Variants in LSAMP observed in about 807,000 individuals in gnomAD.
LSAMP encodes the protein limbic system-associated membrane protein.
In LSAMP, 7 loss-of-function variants were observed where a neutral mutation model predicts 38.6. That is an observed-to-expected ratio of 0.18 (90% confidence interval 0.10 to 0.34). The LOEUF is 0.34. LSAMP is among the 10% of genes least tolerant of loss of function. The pLI is 1.00. For missense variants in LSAMP, 313 were observed against 420.0 expected, an observed-to-expected ratio of 0.75 and a Z score of 2.23; for synonymous variants, 154 against 166.8, an observed-to-expected ratio of 0.92 and a Z score of 0.59.
At chr3:116,076,744 C>T (rs72959743) in intron 2 of LSAMP, among the ~76,000 whole-genome samples, 4,828 of 152,012 alleles carry the variant, frequency 0.032, 261 homozygotes, top group African/African-American at 0.11. Context: ...ATTTGTGTTG[C>T]CATTCAAGAA....
chr3:116,322,406 C>A (rs534580572), intron 1 of LSAMP, among the ~76,000 whole-genome samples: 1 of 152,248 alleles, frequency 6.6e-6, no homozygotes, highest in South Asian at 2.1e-4. Context: ...CAGGAACATC[C>A]AAACATTTTT....
At chr3:116,249,644 A>C (rs1269615602) in intron 1 of LSAMP, among the ~76,000 whole-genome samples, 2 of 151,962 alleles carry the variant, frequency 1.3e-5, no homozygotes, top group Non-Finnish European at 2.9e-5. Flanking sequence ...TCAGCCTCCC[A>C]AAGTGCTGGG....
At chr3:116,090,967 G>A (rs572256071) in intron 1 of LSAMP, among the ~76,000 whole-genome samples, 18 of 152,304 alleles carry the variant, frequency 1.2e-4, no homozygotes, top group African/African-American at 3.8e-4. Context: ...ACGGGGTTTT[G>A]AGATCAACCG....
chr3:115,882,362 C>A (rs1489083724), intron 3 of LSAMP, among the ~76,000 whole-genome samples: 1 of 152,078 alleles, frequency 6.6e-6, no homozygotes, highest in Non-Finnish European at 1.5e-5. Flanking sequence ...ATAAATAAGA[C>A]AATCTTTCCA....
intron 2 of LSAMP, among the ~76,000 whole-genome samples, chr3:116,038,156 G>C (rs1941088780): frequency 6.6e-6 from 1 of 152,112 alleles, no homozygotes; most frequent in South Asian, 2.1e-4. Flanking sequence ...CAATTTACTA[G>C]CTATTTAATC....
intron 1 of LSAMP, among the ~76,000 whole-genome samples, chr3:116,427,993 C>A (rs897451374): frequency 6.6e-6 from 1 of 152,188 alleles, no homozygotes; most frequent in Non-Finnish European, 1.5e-5. Context: ...TGAAATTAAT[C>A]TTACTTTGAA....
At chr3:116,322,331 A>T (rs1004844504) in intron 1 of LSAMP, among the ~76,000 whole-genome samples, 3 of 152,228 alleles carry the variant, frequency 2.0e-5, no homozygotes, top group African/African-American at 7.2e-5. Flanking sequence ...GGCTATAACC[A>T]TTCCATTGAG....
At chr3:115,909,887 ATC>A (rs997427621) in intron 3 of LSAMP, among the ~76,000 whole-genome samples, 16 of 148,432 alleles carry the variant, frequency 1.1e-4, no homozygotes, top group Admixed American at 4.0e-4. Flanking sequence ...AGTTTAAAAT[ATC>A]TGTGTTTCAC....
chr3:115,868,217 A>G (rs1300493865), intron 3 of LSAMP, among the ~76,000 whole-genome samples: 1 of 152,104 alleles, frequency 6.6e-6, no homozygotes, highest in African/African-American at 2.4e-5. Flanking sequence ...GCTGTGGGCC[A>G]TTGGCATGGG....
In LSAMP at chr3:116,086,382, A is replaced by G; in HGVS notation, c.330T>C (p.Thr110=). 6.2e-7 allele frequency: 1 copy of G among 1,614,160 alleles called. No homozygotes were observed. The highest frequency in any genetic ancestry group is 8.5e-7 in the Non-Finnish European group (1 of 1,180,022). The change falls in exon 2 of 7, where the codon ACT becomes ACC. Residue 110 remains threonine (T), a synonymous_variant. Coordinates refer to ENST00000490035, the MANE Select transcript of LSAMP (RefSeq NM_002338.5). ...KVDVYDEGSY[T]CSVQTQHEPK... ...GCTCATGCTGTGTCTGAACTGAGCAAGTGTAGGAACCCTCATCATAGACAT... is the reference window on the plus strand; with the variant it reads ...GCTCATGCTGTGTCTGAACTGAGCAGGTGTAGGAACCCTCATCATAGACAT...
intron 6 of LSAMP, among the ~76,000 whole-genome samples, chr3:115,821,473 AGTT>A (rs1934236209): frequency 6.6e-6 from 1 of 152,204 alleles, no homozygotes; most frequent in Non-Finnish European, 1.5e-5. Flanking sequence ...TTGTTTGCAC[AGTT>A]GTTCTAATTC....
intron 1 of LSAMP, among the ~76,000 whole-genome samples, chr3:116,306,973 G>T (rs975487111): frequency 3.9e-5 from 6 of 152,002 alleles, no homozygotes; most frequent in South Asian, 2.1e-4. Flanking sequence ...TCTAAAGTAA[G>T]AGTGGGAAAT....
At chr3:116,145,717 T>C (rs954825223) in intron 1 of LSAMP, among the ~76,000 whole-genome samples, 1 of 151,946 alleles carries the variant, frequency 6.6e-6, no homozygotes. Flanking sequence ...TTATAGAATA[T>C]ATAAAAATAT....
At chr3:115,907,641 A>G (rs779014344) in intron 3 of LSAMP, among the ~76,000 whole-genome samples, 3 of 152,208 alleles carry the variant, frequency 2.0e-5, no homozygotes, top group Non-Finnish European at 4.4e-5. Context: ...CTGACCCTGC[A>G]TGAAAGAAAA....
chr3:116,400,263 A>T (rs939418904), intron 1 of LSAMP, among the ~76,000 whole-genome samples: 9 of 152,000 alleles, frequency 5.9e-5, no homozygotes, highest in African/African-American at 1.9e-4. Flanking sequence ...AACATTTGAG[A>T]TAATCATTAC....
intron 3 of LSAMP, among the ~76,000 whole-genome samples, chr3:115,869,232 A>G (rs1252724345): frequency 1.3e-5 from 2 of 150,658 alleles, no homozygotes; most frequent in Non-Finnish European, 3.0e-5. Context: ...ATCATTTGAC[A>G]TCTCTTGGTT....
intron 3 of LSAMP, among the ~76,000 whole-genome samples, chr3:115,917,054 C>T (rs1937267166): frequency 6.6e-6 from 1 of 152,156 alleles, no homozygotes; most frequent in Admixed American, 6.5e-5. Context: ...AGGGCCTCTG[C>T]TAATCAGTTC....
intron 3 of LSAMP, among the ~76,000 whole-genome samples, chr3:115,859,788 C>A (rs1935620695): frequency 6.6e-6 from 1 of 152,220 alleles, no homozygotes; most frequent in African/African-American, 2.4e-5. Flanking sequence ...AAAAATAAGC[C>A]AGCTGAAATA....
intron 3 of LSAMP, among the ~76,000 whole-genome samples, chr3:115,885,314 T>C (rs1936424606): frequency 6.6e-6 from 1 of 151,752 alleles, no homozygotes; most frequent in Admixed American, 6.6e-5. Context: ...ATTTTAAGAG[T>C]TGTAAGTGTG....
Sources: gnomAD v4.1 joint callset for allele counts (sites outside exome capture counted in the v4.1 genomes callset) on GRCh38, gnomAD v4.1.1 for gene constraint, MANE v1.5 for transcripts, NCBI Gene and HGNC (gene_info 2026-07-23, HGNC 2026-07-21) for gene names.